FFAR3: variants seen among roughly 807,000 people sequenced by gnomAD.
FFAR3 encodes free fatty acid receptor 3.
For synonymous variants in FFAR3, 68 were observed against 201.1 expected (o/e 0.34, Z 5.60); for missense variants, 136 against 446.5 (o/e 0.30, Z 6.27).
upstream of FFAR3, among the ~76,000 whole-genome samples, chr19:35,358,274 C>T (rs537890763): frequency 3.3e-5 from 5 of 152,272 alleles, no homozygotes; most frequent in African/African-American, 7.2e-5. Context: ...ACAGACCTCA[C>T]GGAGCTCGCT....
rs1248516403 is a variant in FFAR3, at chr19:35,358,491, C to A, written c.-170C>A. The stretch of plus-strand genomic sequence containing the variant: ...TTAGCATGCTGACCAGCCCTGGCAA[C>A]GGAGCTCAAGGCATCTATGTGCCAC... On this transcript the variant is annotated 5_prime_UTR_variant, in exon 1 of 2. Transcript: ENST00000327809. The A allele has an allele frequency of 1.7e-6, 2 of 1,169,522 alleles. No homozygotes were observed. Among genetic ancestry groups the A allele is most frequent in the Non-Finnish European group, 2.1e-6 (2 of 940,218 alleles). The allele number at this position is 1,169,522 out of a possible 1,614,324, so 72.4% of individuals were successfully genotyped here. A position where few individuals can be genotyped will look rare whatever the true frequency, so the allele number is the denominator to read the frequency against.
At position 35,359,378 on chromosome 19, in the gene FFAR3, A is replaced by C; in HGVS notation, c.488A>C (p.Gln163Pro). The change falls in exon 2 of 2, where the codon CAG (glutamine) becomes CCG (proline). Residue 163 changes from glutamine to proline, a missense_variant. Transcript: ENST00000327809. The stretch of plus-strand genomic sequence containing the variant: ...TTCTCAGGGGACATCTCCCACAGCC[A>C]GGGCACCAATGGGACCTGCTACCTG... Reference protein sequence around the residue: ...IEFSGDISHSQGTNGTCYLEF... With the variant: ...IEFSGDISHSPGTNGTCYLEF... 1 of 1,613,986 alleles carries C rather than the reference A, an allele frequency of 6.2e-7. No individual in the cohort carries two copies. Among genetic ancestry groups the C allele is most frequent in the South Asian group, 1.1e-5 (1 of 91,076 alleles).
At chr19:35,358,282 G>C, upstream of FFAR3, 1 of 163,768 alleles carries the variant, frequency 6.1e-6, no homozygotes, top group Non-Finnish European at 1.3e-5. Context: ...CACGGAGCTC[G>C]CTCTCTGTCA....
chr19:35,358,360 T>A (rs2066973555), upstream of FFAR3: 8 of 612,750 alleles, frequency 1.3e-5, no homozygotes, highest in Non-Finnish European at 1.7e-5. Context: ...CAGACAAAAT[T>A]CAAGTGAAGA....
Position 35,359,605 on chromosome 19 carries a change from G to A in FFAR3, c.715G>A (p.Gly239Arg). ...ATLLNFLVCF[G>R]PYNVSHVVGY... ...GCTGCTCAACTTCCTTGTCTGCTTT[G>A]GGCCCTACAACGTGTCCCATGTCGT... The change falls in exon 2 of 2, where the codon GGG (glycine) becomes AGG (arginine). Residue 239 changes from glycine to arginine, a missense_variant. By Grantham distance (125) the Gly-to-Arg change is moderately radical. Transcript: ENST00000327809. 1 of 1,614,076 alleles carries A rather than the reference G, an allele frequency of 6.2e-7. No individual in the cohort carries two copies. Among genetic ancestry groups the A allele is most frequent in the Non-Finnish European group, 8.5e-7 (1 of 1,179,882 alleles).
upstream of FFAR3, chr19:35,358,407 G>T (rs1039851938): frequency 9.6e-7 from 1 of 1,036,456 alleles, no homozygotes; most frequent in African/African-American, 1.7e-5. Flanking sequence ...CCTGCTTAGA[G>T]CATCCCAGCT....
At position 35,358,496 on chromosome 19, in the gene FFAR3, C is replaced by T. The variant is rs1318027716; in HGVS notation, c.-165C>T. On this transcript the variant is annotated 5_prime_UTR_variant, in exon 1 of 2. Coordinates refer to ENST00000327809, the MANE Select transcript of FFAR3 (RefSeq NM_005304.5). The stretch of plus-strand genomic sequence containing the variant: ...ATGCTGACCAGCCCTGGCAACGGAG[C>T]TCAAGGCATCTATGTGCCACTGCTC... The T allele has an allele frequency of 8.4e-7, 1 of 1,185,462 alleles. No homozygotes were observed. Among genetic ancestry groups the T allele is most frequent in the African/African-American group, 1.6e-5 (1 of 63,854 alleles). The allele number at this position is 1,185,462 out of a possible 1,614,324, so 73.4% of individuals were successfully genotyped here.
chr19:35,358,551 G>C lies in FFAR3; in HGVS notation c.-110G>C. On this transcript the variant is annotated 5_prime_UTR_variant, in exon 1 of 2. Coordinates refer to ENST00000327809, the MANE Select transcript of FFAR3 (RefSeq NM_005304.5). ...GTGAGTGACGTCATGGGCACGGCCA[G>C]GTCTTTATCAGTTCTGCCGGATAAA... 7.7e-7 allele frequency: 1 copy of C among 1,298,978 alleles called. No homozygotes were observed. Among genetic ancestry groups the C allele is most frequent in the Non-Finnish European group, 9.9e-7 (1 of 1,013,546 alleles). 80.5% of individuals were successfully genotyped at this position (1,298,978 alleles called of 1,614,324 possible).
At chr19:35,358,426 A>G (rs998360868), upstream of FFAR3, 7 of 1,091,624 alleles carry the variant, frequency 6.4e-6, no homozygotes, top group Admixed American at 4.8e-5. Flanking sequence ...CTGAGACTGC[A>G]TGAGGAGGGA....
chr19:35,359,595 T>C lies in FFAR3; in HGVS notation c.705T>C (p.Leu235=), dbSNP rs144475698. Reference sequence around the variant, plus strand: ...TGGCGGCCACGCTGCTCAACTTCCTTGTCTGCTTTGGGCCCTACAACGTGT... The same window carrying C: ...TGGCGGCCACGCTGCTCAACTTCCTCGTCTGCTTTGGGCCCTACAACGTGT... ...GLLAATLLNF[L]VCFGPYNVSH... is the part of the protein sequence containing the mutation. Residue 235 remains leucine (L), a synonymous_variant, in exon 2 of 2, where the codon CTT becomes CTC. Coordinates refer to ENST00000327809, the MANE Select transcript of FFAR3 (RefSeq NM_005304.5). 8.6e-5 allele frequency: 138 copies of C among 1,613,928 alleles called. No homozygotes were observed. Among genetic ancestry groups the C allele is most frequent in the Non-Finnish European group, 1.1e-4 (131 of 1,179,866 alleles).
chr19:35,359,032 G>C lies in FFAR3; in HGVS notation c.142G>C (p.Val48Leu). 3 of 1,611,696 alleles carry C rather than the reference G, an allele frequency of 1.9e-6. No homozygotes were observed. The highest frequency in any genetic ancestry group is 1.7e-6 in the Non-Finnish European group (2 of 1,178,348). The change falls in exon 2 of 2, where the codon GTG (valine) becomes CTG (leucine). Residue 48 changes from valine to leucine, a missense_variant. Transcript: ENST00000327809. ...VFVGKLQRRP[V>L]AVDVLLLNLT... is the part of the protein sequence containing the mutation. ...CGTGGGCAAGCTGCAGCGCCGCCCG[G>C]TGGCCGTGGACGTGCTCCTGCTCAA... is the stretch of plus-strand genomic sequence containing the variant.
chr19:35,360,271 A>C lies in FFAR3; in HGVS notation c.*340A>C, dbSNP rs2066988388. On this transcript the variant is annotated 3_prime_UTR_variant, in exon 2 of 2. Transcript: ENST00000327809. Reference sequence around the variant, plus strand: ...CAGGGTCTGAGGGGGCTGCCCAGTGAGTGGCAGGGGCAGGAGAGGGGAGAA... The same window carrying C: ...CAGGGTCTGAGGGGGCTGCCCAGTGCGTGGCAGGGGCAGGAGAGGGGAGAA... 2.2e-6 allele frequency: 1 copy of C among 456,224 alleles called. No individual in the cohort carries two copies. Among genetic ancestry groups the C allele is most frequent in the Non-Finnish European group, 4.2e-6 (1 of 237,442 alleles). The allele number at this position is 456,224 out of a possible 1,614,324, so 28.3% of individuals were successfully genotyped here.
upstream of FFAR3, chr19:35,358,336 CCATTCTA>C (rs769728929): frequency 1.2e-4 from 45 of 385,512 alleles, no homozygotes; most frequent in Non-Finnish European, 1.6e-4. Context: ...TGGATAAATG[CCATTCTA>C]GAGAAGCAGA....
chr19:35,359,704 G>A lies in FFAR3; in HGVS notation c.814G>A (p.Asp272Asn), dbSNP rs369542605. 25 of 1,613,892 alleles carry A rather than the reference G, an allele frequency of 1.5e-5. No individual in the cohort carries two copies. The highest frequency in any genetic ancestry group is 1.2e-4 in the Admixed American group (7 of 60,006). ...TLLSTLNSCV[D>N]PFVYYFSSSG... ...TCTCAGCACCCTGAACTCCTGTGTC[G>A]ACCCCTTTGTCTACTACTTCTCCTC... The change falls in exon 2 of 2, where the codon GAC becomes AAC. Residue 272 changes from aspartate to asparagine, a missense_variant. Physicochemically the swap from Asp to Asn is conservative, Grantham distance 23 (BLOSUM62 1). Transcript: ENST00000327809.
In FFAR3 at chr19:35,358,947, G is replaced by A. The variant is rs371169601; in HGVS notation, c.57G>A (p.Ser19=). The A allele has an allele frequency of 2.9e-5, 47 of 1,604,916 alleles. No individual in the cohort carries two copies. The highest frequency in any genetic ancestry group is 1.8e-4 in the Admixed American group (11 of 59,700). Residue 19 remains serine (S), a synonymous_variant, in exon 2 of 2, where the codon TCG becomes TCA. Transcript: ENST00000327809. The part of the protein sequence containing the change: ...YFSGNHWFVF[S]VYLLTFLVGL... The stretch of plus-strand genomic sequence containing the variant: ...CCGGCAATCACTGGTTCGTCTTCTC[G>A]GTGTACCTTCTCACTTTCCTGGTGG...
chr19:35,359,116 G>T lies in FFAR3; in HGVS notation c.226G>T (p.Ala76Ser). ...LFLPFRMVEA[A>S]NGMHWPLPFI... ...CCTGCCTTTCCGCATGGTGGAGGCA[G>T]CCAATGGCATGCACTGGCCCCTGCC... Residue 76 changes from alanine to serine, a missense_variant, in exon 2 of 2, where the codon GCC (alanine) becomes TCC (serine). Coordinates refer to ENST00000327809, the MANE Select transcript of FFAR3 (RefSeq NM_005304.5). 1 of 1,608,030 alleles carries T rather than the reference G, an allele frequency of 6.2e-7. No homozygotes were observed.
In FFAR3 at chr19:35,360,287, G is replaced by C. The variant is rs2066988552; in HGVS notation, c.*356G>C. 2.4e-6 allele frequency: 1 copy of C among 419,642 alleles called. No individual in the cohort carries two copies. 26.0% of individuals were successfully genotyped at this position (419,642 alleles called of 1,614,324 possible). A position where few individuals can be genotyped will look rare whatever the true frequency, so the allele number is the denominator to read the frequency against. On this transcript the variant is annotated 3_prime_UTR_variant, in exon 2 of 2. Transcript: ENST00000327809. ...TGCCCAGTGAGTGGCAGGGGCAGGA[G>C]AGGGGAGAACCCCATCCTCAGAGCT... is the stretch of plus-strand genomic sequence containing the variant.
chr19:35,358,538 A>C lies in FFAR3; in HGVS notation c.-123A>C. ...CCACTGCTCAACAGTGAGTGACGTC[A>C]TGGGCACGGCCAGGTCTTTATCAGT... On this transcript the variant is annotated 5_prime_UTR_variant, in exon 1 of 2. The change abolishes an upstream ATG in the 5' untranslated region. Transcript: ENST00000327809. 7.8e-7 allele frequency: 1 copy of C among 1,280,108 alleles called. No individual in the cohort carries two copies. The highest frequency in any genetic ancestry group is 1.0e-6 in the Non-Finnish European group (1 of 1,002,060). 79.3% of individuals were successfully genotyped at this position (1,280,108 alleles called of 1,614,324 possible). A position where few individuals can be genotyped will look rare whatever the true frequency, so the allele number is the denominator to read the frequency against.
upstream of FFAR3, among the ~76,000 whole-genome samples, chr19:35,358,218 A>G (rs951393361): frequency 2.6e-5 from 4 of 152,232 alleles, no homozygotes; most frequent in African/African-American, 7.2e-5. Flanking sequence ...AAGCAGAAAC[A>G]TGGAGAATTT....
Sources: allele counts gnomAD v4.1 joint callset (sites outside exome capture counted in the v4.1 genomes callset), GRCh38; gene constraint gnomAD v4.1.1; transcripts MANE v1.5; gene names NCBI Gene and HGNC (gene_info 2026-07-23, HGNC 2026-07-21).